The following POLD3 variants were observed in gnomAD, a reference collection of about 807,000 sequenced individuals.
The protein encoded by POLD3 is DNA polymerase delta subunit 3.
POLD3 carries 19 observed loss-of-function variants against 58.2 expected under a neutral mutation model. That is an observed-to-expected ratio of 0.33 (90% CI 0.23 to 0.48). POLD3 has a LOEUF of 0.48. Ranked by LOEUF, POLD3 falls within the 20% of genes least tolerant of loss-of-function variation. POLD3 has a pLI of 0.99. For missense variants in POLD3, 504 were observed against 545.5 expected (o/e 0.92, Z 0.76); for synonymous variants, 172 against 193.5 (o/e 0.89, Z 0.92).
Position 74,625,393 on chromosome 11 carries a change from ATACTT to A in POLD3, c.734-12_734-8del, listed in dbSNP as rs963657382. The A allele has an allele frequency of 1.9e-6, 3 of 1,591,486 alleles. No individual in the cohort carries two copies. The African/African-American group carries it at 4.1e-5, about 22-fold the overall frequency. ...ATGATGGGGTCATATGTCGTCTGCTATACTTTATTTATAGATAAATTTAAAGTCAA... is the reference window on the plus strand; with the variant it reads ...ATGATGGGGTCATATGTCGTCTGCTATATTTATAGATAAATTTAAAGTCAA... On this transcript the variant is annotated splice_polypyrimidine_tract_variant and intron_variant, in intron 7 of 11. Transcript: ENST00000263681.
downstream of POLD3, among the ~76,000 whole-genome samples, chr11:74,645,367 A>C (rs1012077930): frequency 3.9e-5 from 6 of 152,354 alleles, no homozygotes; most frequent in Middle Eastern, 3.4e-3. Flanking sequence ...ATTGACGAGA[A>C]AGCAAGCAGT....
intron 4 of POLD3, among the ~76,000 whole-genome samples, chr11:74,657,333 T>G (rs868007140): frequency 6.6e-6 from 1 of 152,134 alleles, no homozygotes; most frequent in African/African-American, 2.4e-5. Flanking sequence ...TTTTCTGGTT[T>G]TCTTTTCCTT....
At chr11:74,604,897 G>T in intron 3 of POLD3, 103 bp downstream of exon 3, 2 of 669,786 alleles carry the variant, frequency 3.0e-6, no homozygotes, top group South Asian at 1.9e-5. Context: ...CTGTGTTATA[G>T]TAGTTTTAAA....
chr11:74,600,450 C>A (rs2031449339), intron 2 of POLD3, among the ~76,000 whole-genome samples: 1 of 151,822 alleles, frequency 6.6e-6, no homozygotes, highest in South Asian at 2.1e-4. Context: ...CGTGAGCCAC[C>A]ACACCTGGCG....
intron 2 of POLD3, chr11:74,604,467 A>G (rs1465296682): frequency 6.3e-6 from 3 of 477,906 alleles, no homozygotes; most frequent in Non-Finnish European, 1.1e-5. Flanking sequence ...CAGTTAATGT[A>G]CTGATCACTG....
chr11:74,619,919 A>G (rs941686827), intron 6 of POLD3, 98 bp from the exon 7 acceptor site: 1 of 889,838 alleles, frequency 1.1e-6, no homozygotes, highest in South Asian at 1.3e-5. Flanking sequence ...AGACTATACC[A>G]TCGCAACAGT....
chr11:74,639,473 G>A (rs956971345), intron 11 of POLD3, among the ~76,000 whole-genome samples: 3 of 152,188 alleles, frequency 2.0e-5, no homozygotes, highest in South Asian at 2.1e-4. Flanking sequence ...ATTAGGTTAC[G>A]CTTTTCAGCT....
chr11:74,655,673 G>A (rs867910154), intron 4 of POLD3, among the ~76,000 whole-genome samples: 47 of 140,530 alleles, frequency 3.3e-4, no homozygotes, highest in Middle Eastern at 3.6e-3. Context: ...AAAAAAAAAA[G>A]AACACTTTTC....
intron 11 of POLD3, 112 bp from the exon 12 acceptor site, chr11:74,640,452 A>G (rs531464822): frequency 7.8e-7 from 1 of 1,283,398 alleles, no homozygotes. Context: ...CTAAGTAAGC[A>G]TATTTGCCTT....
chr11:74,592,744 G>T, intron 1 of POLD3, 26 bp downstream of exon 1: 1 of 1,613,334 alleles, frequency 6.2e-7, no homozygotes, highest in Non-Finnish European at 8.5e-7. Flanking sequence ...TGGGGAACGC[G>T]GGCGTGCGAC....
intron 8 of POLD3, among the ~76,000 whole-genome samples, chr11:74,627,851 CAA>C (rs1409698022): frequency 6.6e-6 from 1 of 152,078 alleles, no homozygotes; most frequent in Non-Finnish European, 1.5e-5. Context: ...AGTCACCTAA[CAA>C]TGCATTTCTC....
chr11:74,624,297 C>T (rs1351058225), intron 7 of POLD3, among the ~76,000 whole-genome samples: 1 of 152,094 alleles, frequency 6.6e-6, no homozygotes, highest in East Asian at 1.9e-4. Flanking sequence ...GTTGAAAATG[C>T]AAGAGTATGC....
chr11:74,601,616 G>A (rs1462685503), intron 2 of POLD3, among the ~76,000 whole-genome samples: 1 of 152,078 alleles, frequency 6.6e-6, no homozygotes, highest in Non-Finnish European at 1.5e-5. Flanking sequence ...ACAAAAGCCT[G>A]TTTCTACCAG....
chr11:74,621,909 G>C (rs151244862), intron 7 of POLD3, among the ~76,000 whole-genome samples: 10 of 150,864 alleles, frequency 6.6e-5, no homozygotes, highest in Non-Finnish European at 1.3e-4. Context: ...TAGGGTACAC[G>C]TGCACAATGT....
At chr11:74,668,764 G>GT (rs56330626) in intron 4 of POLD3, 253,948 of 1,280,470 alleles carry the variant, frequency 0.2, 25,163 homozygotes, top group African/African-American at 0.27. Context: ...TTTCTGTTGT[G>GT]TTTTTTTTAC....
intron 8 of POLD3, among the ~76,000 whole-genome samples, chr11:74,627,623 G>C (rs1446987135): frequency 6.6e-6 from 1 of 152,102 alleles, no homozygotes; most frequent in African/African-American, 2.4e-5. Context: ...CCCATTCGTG[G>C]TAAGTGCCCT....
At chr11:74,633,977 A>T (rs1287493049) in intron 9 of POLD3, among the ~76,000 whole-genome samples, 3 of 152,246 alleles carry the variant, frequency 2.0e-5, no homozygotes, top group Non-Finnish European at 4.4e-5. Context: ...ATCTCAGGTG[A>T]TTAAAAGTAA....
intron 1 of POLD3, among the ~76,000 whole-genome samples, chr11:74,593,293 C>G (rs752797446): frequency 6.6e-6 from 1 of 152,162 alleles, no homozygotes; most frequent in Non-Finnish European, 1.5e-5. Context: ...CTCCCCGCAC[C>G]CCATCCCAGG....
At chr11:74,634,079 C>G (rs1186620496) in intron 9 of POLD3, among the ~76,000 whole-genome samples, 1 of 152,096 alleles carries the variant, frequency 6.6e-6, no homozygotes, top group Non-Finnish European at 1.5e-5. Context: ...ATGTCTTGTC[C>G]TCAATGGTAA....
Sources: gnomAD v4.1 joint callset for allele counts (sites outside exome capture counted in the v4.1 genomes callset) on GRCh38, gnomAD v4.1.1 for gene constraint, MANE v1.5 for transcripts, NCBI Gene and HGNC (gene_info 2026-07-23, HGNC 2026-07-21) for gene names.